The following KIF18A variants were observed in gnomAD, a reference collection of about 807,000 sequenced individuals.
The protein encoded by KIF18A is kinesin-like protein KIF18A.
In KIF18A, 67 loss-of-function variants were observed where a neutral mutation model predicts 103.3. The observed-to-expected ratio is 0.65, with a 90% CI of 0.53 to 0.79. KIF18A has a LOEUF of 0.79. Ranked by LOEUF, KIF18A falls within the 30% of genes least tolerant of loss-of-function variation. KIF18A has a pLI of 0.00. For missense variants in KIF18A, 1,032 were observed against 1,062.5 expected, an observed-to-expected ratio of 0.97 and a Z score of 0.40; for synonymous variants, 367 against 355.5, an observed-to-expected ratio of 1.03 and a Z score of -0.36.
rs779946671 is a variant in KIF18A, at chr11:28,084,726, A to G, written c.980T>C (p.Ile327Thr). Residue 327 changes from isoleucine (I) to threonine (T), a missense_variant, in exon 7 of 17, where the codon ATA becomes ACA. Transcript: ENST00000263181. ...GGAAGGACTAACAGCAGCTATCATTATAGTTTGACAGTTTCCTCCAAGAGA... is the reference window on the plus strand; with the variant it reads ...GGAAGGACTAACAGCAGCTATCATTGTAGTTTGACAGTTTCCTCCAAGAGA... The part of the protein sequence containing the change: ...KDSLGGNCQT[I>T]MIAAVSPSSV... The G allele has an allele frequency of 2.9e-5, 46 of 1,611,844 alleles. No homozygotes were observed. The highest frequency in any genetic ancestry group is 3.5e-5 in the Non-Finnish European group (41 of 1,177,948).
intron 9 of KIF18A, among the ~76,000 whole-genome samples, chr11:28,082,083 C>T (rs1030029995): frequency 6.6e-6 from 1 of 152,072 alleles, no homozygotes; most frequent in Non-Finnish European, 1.5e-5. Context: ...AAATGAAGAG[C>T]TGCTTCTATG....
intron 15 of KIF18A, among the ~76,000 whole-genome samples, chr11:28,027,458 T>A (rs1850335620): frequency 6.6e-6 from 1 of 151,872 alleles, no homozygotes; most frequent in Non-Finnish European, 1.5e-5. Context: ...TGTCTTTTGT[T>A]AGTTTTGAAT....
chr11:28,052,248 T>C (rs1321414730), intron 13 of KIF18A, among the ~76,000 whole-genome samples: 1 of 152,056 alleles, frequency 6.6e-6, no homozygotes, highest in Non-Finnish European at 1.5e-5. Flanking sequence ...AAGAGCACAA[T>C]TGAGGTATGT....
At chr11:28,086,517 T>C (rs1339507401) in intron 6 of KIF18A, among the ~76,000 whole-genome samples, 32 of 152,236 alleles carry the variant, frequency 2.1e-4, no homozygotes, top group Admixed American at 2.0e-3. Context: ...TTCTTTACAA[T>C]GTTAAGCTAA....
At chr11:28,084,981 T>C (rs1037668022) in intron 6 of KIF18A, among the ~76,000 whole-genome samples, 173 bp from the exon 7 acceptor site, 2 of 152,222 alleles carry the variant, frequency 1.3e-5, no homozygotes, top group Non-Finnish European at 2.9e-5. Flanking sequence ...ATAGTCATAA[T>C]ACAACTTAGA....
chr11:28,071,219 A>C (rs1297545121), intron 10 of KIF18A, among the ~76,000 whole-genome samples: 1 of 152,192 alleles, frequency 6.6e-6, no homozygotes, highest in Non-Finnish European at 1.5e-5. Context: ...TTAGTCTTTT[A>C]AAATTCTTGT....
chr11:28,075,070 C>T (rs1851071983), intron 10 of KIF18A, among the ~76,000 whole-genome samples: 1 of 152,146 alleles, frequency 6.6e-6, no homozygotes, highest in African/African-American at 2.4e-5. Flanking sequence ...CTAGATAATT[C>T]TCAACCACAA....
At chr11:28,071,137 C>T (rs975254107) in intron 10 of KIF18A, among the ~76,000 whole-genome samples, 5 of 152,132 alleles carry the variant, frequency 3.3e-5, no homozygotes, top group African/African-American at 1.2e-4. Flanking sequence ...CCTAAGGATT[C>T]CTGAGATCCT....
At position 28,097,896 on chromosome 11, in the gene KIF18A, C is replaced by T; in HGVS notation, c.52G>A (p.Val18Ile). 1 of 1,607,178 alleles carries T rather than the reference C, an allele frequency of 6.2e-7. No individual in the cohort carries two copies. Among genetic ancestry groups the T allele is most frequent in the Non-Finnish European group, 8.5e-7 (1 of 1,177,526 alleles). ...LCHHMKVVVR[V>I]RPENTKEKAA... Reference sequence around the variant, plus strand: ...TTTTCTTTAGTGTTTTCCGGACGTACACGAACTACTACTTTCATATGGTGG... The same window carrying T: ...TTTTCTTTAGTGTTTTCCGGACGTATACGAACTACTACTTTCATATGGTGG... The change falls in exon 2 of 17, where the codon GTA becomes ATA. Residue 18 changes from valine to isoleucine, a missense_variant. Coordinates refer to ENST00000263181, the MANE Select transcript of KIF18A (RefSeq NM_031217.4).
At chr11:28,079,530 T>C (rs778146553) in intron 9 of KIF18A, among the ~76,000 whole-genome samples, 2 of 152,122 alleles carry the variant, frequency 1.3e-5, no homozygotes, top group Admixed American at 1.3e-4. Context: ...AATCTTGTTT[T>C]CCTTATAGAT....
At position 28,097,943 on chromosome 11, in the gene KIF18A, G is replaced by A; in HGVS notation, c.5C>T (p.Ser2Phe). Residue 2 changes from serine to phenylalanine, a missense_variant, in exon 2 of 17, where the codon TCT (serine) becomes TTT (phenylalanine). Coordinates refer to ENST00000263181, the MANE Select transcript of KIF18A (RefSeq NM_031217.4). ...GTGGCACAGGTCTTCCTCAGTGACA[G>A]ACATTGTTGATTATCTTGATTCCTA... The part of the protein sequence containing the change: M[S>F]VTEEDLCHHM... 6.4e-7 allele frequency: 1 copy of A among 1,557,738 alleles called. No individual in the cohort carries two copies. Among genetic ancestry groups the A allele is most frequent in the Non-Finnish European group, 8.7e-7 (1 of 1,155,356 alleles).
intron 12 of KIF18A, among the ~76,000 whole-genome samples, chr11:28,061,139 T>C (rs1850851656): frequency 6.6e-6 from 1 of 152,306 alleles, no homozygotes; most frequent in Middle Eastern, 3.4e-3. Context: ...ACACAGGAAT[T>C]ATATCATGTT....
rs183700942 is a variant in KIF18A, at chr11:28,059,079, A to T, written c.1795T>A (p.Ser599Thr). 3.1e-5 allele frequency: 50 copies of T among 1,614,084 alleles called. 1 individual carries two copies. In the East Asian group the frequency reaches 8.9e-4, roughly 29 times the overall value. ...AAATGTTCGATCTCTTTGAAGTCAG[A>T]TTCAAAAGCAGCATTTGACAGGCCG... ...EAGLSNAAFE[S>T]DFKEIEHLVE... is the part of the protein sequence containing the mutation. The change falls in exon 13 of 17, where the codon TCT (serine) becomes ACT (threonine). Residue 599 changes from serine (S) to threonine (T), a missense_variant. Physicochemically the swap from Ser to Thr is moderately conservative, Grantham distance 58. Coordinates refer to ENST00000263181, the MANE Select transcript of KIF18A (RefSeq NM_031217.4).
At chr11:28,035,799 T>G (rs1850477843) in intron 14 of KIF18A, among the ~76,000 whole-genome samples, 1 of 151,582 alleles carries the variant, frequency 6.6e-6, no homozygotes, top group Non-Finnish European at 1.5e-5. Context: ...TTTGCTTGGA[T>G]GACACACATT....
At chr11:28,024,347 T>G (rs933793325) in intron 15 of KIF18A, among the ~76,000 whole-genome samples, 1 of 152,026 alleles carries the variant, frequency 6.6e-6, no homozygotes, top group Non-Finnish European at 1.5e-5. Context: ...TCACAGAAAC[T>G]GAAATAAAAA....
At chr11:28,069,535 G>C in intron 10 of KIF18A, 112 bp from the exon 11 acceptor site, 2 of 1,012,598 alleles carry the variant, frequency 2.0e-6, no homozygotes, top group Non-Finnish European at 2.8e-6. Context: ...ATTAAGTTAG[G>C]CTACATTTTT....
chr11:28,023,954 A>G (rs927525278), intron 15 of KIF18A, 104 bp from the exon 16 acceptor site: 5 of 536,414 alleles, frequency 9.3e-6, no homozygotes, highest in African/African-American at 3.9e-5. Flanking sequence ...AAACACAAAA[A>G]TATTAAGTTG....
At chr11:28,061,029 C>T (rs951443274) in intron 12 of KIF18A, among the ~76,000 whole-genome samples, 1 of 152,186 alleles carries the variant, frequency 6.6e-6, no homozygotes, top group East Asian at 1.9e-4. Flanking sequence ...TTTGTAGCCT[C>T]TTGCTGAAAT....
At chr11:28,030,358 G>A (rs1425513091) in intron 15 of KIF18A, among the ~76,000 whole-genome samples, 1 of 151,704 alleles carries the variant, frequency 6.6e-6, no homozygotes, top group Non-Finnish European at 1.5e-5. Context: ...ACAGAACAGA[G>A]CCCTCAGAAA....
Sources: allele counts gnomAD v4.1 joint callset (sites outside exome capture counted in the v4.1 genomes callset), GRCh38; gene constraint gnomAD v4.1.1; transcripts MANE v1.5; gene names NCBI Gene and HGNC (gene_info 2026-07-23, HGNC 2026-07-21).